NINJ1: variants seen among roughly 807,000 people sequenced by gnomAD.
NINJ1 encodes the protein ninjurin-1.
Under a neutral mutation model 12.7 loss-of-function variants are expected in NINJ1, and 6 were observed. The observed-to-expected ratio is 0.47, with a 90% CI of 0.26 to 0.93. NINJ1 has a LOEUF of 0.93. Ranked by LOEUF, NINJ1 falls within the 40% of genes least tolerant of loss-of-function variation. The pLI is 0.15. For missense variants in NINJ1, 170 were observed against 213.0 expected, an observed-to-expected ratio of 0.80 and a Z score of 1.26; for synonymous variants, 100 against 96.0, an observed-to-expected ratio of 1.04 and a Z score of -0.25.
rs758365677 is a variant in NINJ1, at chr9:93,134,130, G to A, written c.75+13C>T. The A allele has an allele frequency of 5.2e-6, 8 of 1,547,024 alleles. No individual in the cohort carries two copies. In the South Asian group the frequency reaches 6.0e-5, roughly 12 times the overall value. ...CCTGGCAAGATCATGCAGCGGTGGG[G>A]GGAAGGTCTTACCGAGGCGTCCGGG... On this transcript the variant is annotated intron_variant, in intron 1 of 3. Coordinates refer to ENST00000375446, the MANE Select transcript of NINJ1 (RefSeq NM_004148.4).
At chr9:93,131,335 T>C (rs929334156) in intron 1 of NINJ1, 3 of 152,214 alleles carry the variant, frequency 2.0e-5, no homozygotes, top group African/African-American at 7.2e-5. Flanking sequence ...CCTGAGACCA[T>C]GTTAGGGTTG....
chr9:93,132,251 G>A (rs553491430), intron 1 of NINJ1, among the ~76,000 whole-genome samples: 4 of 152,304 alleles, frequency 2.6e-5, no homozygotes, highest in East Asian at 3.9e-4. Flanking sequence ...TGAGCAGAGC[G>A]GCCCTCGAAG....
chr9:93,131,300 G>A (rs761937366), intron 1 of NINJ1, among the ~76,000 whole-genome samples: 6 of 152,256 alleles, frequency 3.9e-5, no homozygotes, highest in Admixed American at 6.5e-5. Context: ...CACTTCCCGC[G>A]GACTCAGCAC....
chr9:93,126,335 C>T, intron 2 of NINJ1, 75 bp downstream of exon 2: 2 of 1,314,230 alleles, frequency 1.5e-6, no homozygotes, highest in Non-Finnish European at 1.1e-6. Flanking sequence ...AGGTGGTGGG[C>T]ACCTGTCCCA....
At chr9:93,128,316 C>T (rs1235593232) in intron 1 of NINJ1, among the ~76,000 whole-genome samples, 1 of 152,226 alleles carries the variant, frequency 6.6e-6, no homozygotes, top group Non-Finnish European at 1.5e-5. Context: ...GGCCCCAGCA[C>T]AGCCAGGGCA....
chr9:93,132,976 T>C (rs1400393966), intron 1 of NINJ1, among the ~76,000 whole-genome samples: 4 of 152,210 alleles, frequency 2.6e-5, no homozygotes, highest in Non-Finnish European at 5.9e-5. Context: ...TTGTTCTCTC[T>C]TTATAAGACC....
intron 1 of NINJ1, among the ~76,000 whole-genome samples, chr9:93,133,544 G>A (rs1288600477): frequency 6.6e-6 from 1 of 152,252 alleles, no homozygotes; most frequent in Non-Finnish European, 1.5e-5. Context: ...CTGGAGGGCC[G>A]GTGGCGGCAT....
chr9:93,131,714 T>A (rs1264757958), intron 1 of NINJ1, among the ~76,000 whole-genome samples: 2 of 152,186 alleles, frequency 1.3e-5, no homozygotes, highest in Non-Finnish European at 2.9e-5. Flanking sequence ...ACTCAATCCC[T>A]GGACACTGAT....
intron 1 of NINJ1, among the ~76,000 whole-genome samples, chr9:93,130,051 G>C (rs548997434): frequency 4.2e-4 from 64 of 152,338 alleles, no homozygotes; most frequent in African/African-American, 1.4e-3. Flanking sequence ...CAGGAGCTAA[G>C]CCCTGCTGAG....
intron 2 of NINJ1, 183 bp from the exon 3 acceptor site, chr9:93,125,245 A>G: frequency 1.8e-6 from 1 of 571,392 alleles, no homozygotes; most frequent in Non-Finnish European, 2.9e-6. Context: ...TGAAACATGG[A>G]CAACAGCGCC....
At chr9:93,127,335 A>C (rs2130749487) in intron 1 of NINJ1, among the ~76,000 whole-genome samples, 1 of 152,336 alleles carries the variant, frequency 6.6e-6, no homozygotes, top group Non-Finnish European at 1.5e-5. Flanking sequence ...CCAGAGTAAT[A>C]AAATGGGAAT....
rs146794711 is a variant in NINJ1, at chr9:93,123,721, C to T, written c.*9+1178G>A. On this transcript the variant is annotated intron_variant, in intron 3 of 3. Coordinates refer to ENST00000375446, the MANE Select transcript of NINJ1 (RefSeq NM_004148.4). ...GCCCACCCCTCCCTTAGCAACTCAC[C>T]TCCACCTCTGCTACAAACCGGAGGG... 5.2e-3 allele frequency among the ~76,000 whole-genome samples: 788 copies of T among 152,360 alleles called. 3 individuals are homozygous for T. The highest frequency in any genetic ancestry group is 0.018 in the African/African-American group (749 of 41,580).
intron 1 of NINJ1, among the ~76,000 whole-genome samples, chr9:93,129,866 T>C (rs1323301172): frequency 6.6e-6 from 1 of 152,186 alleles, no homozygotes; most frequent in Admixed American, 6.5e-5. Context: ...CTTGGTACTC[T>C]GGGCCTTGGA....
intron 1 of NINJ1, among the ~76,000 whole-genome samples, chr9:93,132,599 G>A (rs571159202): frequency 2.0e-4 from 30 of 152,326 alleles, no homozygotes; most frequent in African/African-American, 6.7e-4. Flanking sequence ...TGGGCTCCCA[G>A]CCCCCAGGGA....
At chr9:93,130,562 C>T (rs1486647730) in intron 1 of NINJ1, among the ~76,000 whole-genome samples, 9 of 152,288 alleles carry the variant, frequency 5.9e-5, no homozygotes, top group Admixed American at 2.0e-4. Flanking sequence ...CTTTACCCCC[C>T]GAGTCCTGCC....
chr9:93,130,438 C>A (rs1827876220), intron 1 of NINJ1, among the ~76,000 whole-genome samples: 1 of 152,198 alleles, frequency 6.6e-6, no homozygotes, highest in Non-Finnish European at 1.5e-5. Context: ...TCACCCAGGG[C>A]TTGGATGGGA....
intron 1 of NINJ1, among the ~76,000 whole-genome samples, chr9:93,129,240 C>T (rs574658446): frequency 8.5e-5 from 13 of 152,226 alleles, no homozygotes; most frequent in Admixed American, 2.6e-4. Context: ...ACCCAGGCCC[C>T]GGGGCTCAGA....
intron 3 of NINJ1, among the ~76,000 whole-genome samples, chr9:93,122,578 A>G (rs1452702861): frequency 6.6e-6 from 1 of 152,216 alleles, no homozygotes; most frequent in East Asian, 1.9e-4. Context: ...TGATTCTGAC[A>G]TGAGAGGTGT....
rs371691982 is a variant in NINJ1, at chr9:93,126,624, G to T, written c.90C>A (p.Gly30=). 6 of 1,600,764 alleles carry T rather than the reference G, an allele frequency of 3.7e-6. No homozygotes were observed. In the African/African-American group the frequency reaches 8.0e-5, roughly 21 times the overall value. Residue 30 remains glycine (G), a synonymous_variant, in exon 2 of 4, where the codon GGC becomes GGA. Transcript: ENST00000375446. The part of the protein sequence containing the change: ...GSPDASPARW[G]WRHGPINVNH... The stretch of plus-strand genomic sequence containing the variant: ...TCACGTTGATGGGCCCGTGCCTCCA[G>T]CCCCAGCGGGCCGGCTGCAGGGAGG...
Sources: gnomAD v4.1 joint callset for allele counts (sites outside exome capture counted in the v4.1 genomes callset) on GRCh38, gnomAD v4.1.1 for gene constraint, MANE v1.5 for transcripts, NCBI Gene and HGNC (gene_info 2026-07-23, HGNC 2026-07-21) for gene names.